Variants in PLXNA2 observed in about 807,000 individuals in gnomAD.
The protein encoded by PLXNA2 is plexin-A2.
PLXNA2 carries 91 observed loss-of-function variants against 193.5 expected under a neutral mutation model. The ratio of observed to expected loss-of-function variants is 0.47; its 90% confidence interval spans 0.40 to 0.56. The LOEUF (loss-of-function observed/expected upper bound fraction) is 0.56, where lower values mean the gene tolerates loss of function less well. PLXNA2 is among the 20% of genes least tolerant of loss of function. The pLI is 0.00. For synonymous variants in PLXNA2, 997 were observed against 1,027.3 expected (o/e 0.97, Z 0.56); for missense variants, 1,995 against 2,503.2 (o/e 0.80, Z 4.33).
At chr1:208,086,686 G>C (rs992856199) in intron 9 of PLXNA2, among the ~76,000 whole-genome samples, 35 of 150,922 alleles carry the variant, frequency 2.3e-4, no homozygotes, top group African/African-American at 8.3e-4. Flanking sequence ...CCCTGTTTAG[G>C]AGCCAGTCAC....
intron 8 of PLXNA2, 40 bp downstream of exon 8, chr1:208,095,989 A>G: frequency 1.3e-6 from 2 of 1,495,660 alleles, no homozygotes; most frequent in Non-Finnish European, 1.9e-6. Context: ...CCATACCCAC[A>G]TCCAGACCCA....
intron 3 of PLXNA2, among the ~76,000 whole-genome samples, chr1:208,162,937 C>A (rs959277878): frequency 6.6e-6 from 1 of 152,110 alleles, no homozygotes; most frequent in Non-Finnish European, 1.5e-5. Flanking sequence ...AGTGCTGTAA[C>A]CAATGATAAG....
chr1:208,131,521 G>A (rs1231659886), intron 4 of PLXNA2, among the ~76,000 whole-genome samples: 1 of 152,306 alleles, frequency 6.6e-6, no homozygotes, highest in African/African-American at 2.4e-5. Context: ...TGAAAAGCAG[G>A]CTGCAGAGCT....
intron 12 of PLXNA2, among the ~76,000 whole-genome samples, chr1:208,073,710 G>T (rs138500195): frequency 7.8e-4 from 119 of 151,970 alleles, no homozygotes; most frequent in African/African-American, 2.8e-3. Context: ...AGAGGTAATC[G>T]TATTAAAATG....
In PLXNA2 at chr1:208,103,261, C is replaced by A. The variant is rs745788787; in HGVS notation, c.1507-14G>T. 4.4e-6 allele frequency: 7 copies of A among 1,601,878 alleles called. No individual in the cohort carries two copies. The highest frequency in any genetic ancestry group is 3.3e-5 in the South Asian group (3 of 90,238). The stretch of plus-strand genomic sequence containing the variant: ...GACCCTGGTGACCTGGCAGAGAGAG[C>A]AAAGAGGGTACAGTGAGGTTAGGCT... On this transcript the variant is annotated splice_polypyrimidine_tract_variant and intron_variant, in intron 4 of 31. Transcript: ENST00000367033.
At chr1:208,134,782 G>A (rs1024419747) in intron 4 of PLXNA2, among the ~76,000 whole-genome samples, 2 of 152,162 alleles carry the variant, frequency 1.3e-5, no homozygotes, top group Non-Finnish European at 2.9e-5. Flanking sequence ...CTAAACAAAT[G>A]TGCACAATCA....
intron 1 of PLXNA2, among the ~76,000 whole-genome samples, chr1:208,240,297 G>A (rs377488678): frequency 6.6e-6 from 1 of 152,210 alleles, no homozygotes; most frequent in African/African-American, 2.4e-5. Flanking sequence ...GCTAAGCCCA[G>A]GAGGACGGGG....
chr1:208,118,204 G>T (rs1426303507), intron 4 of PLXNA2, among the ~76,000 whole-genome samples: 1 of 152,188 alleles, frequency 6.6e-6, no homozygotes, highest in African/African-American at 2.4e-5. Flanking sequence ...CATACAGATG[G>T]ATAACTTACT....
intron 2 of PLXNA2, among the ~76,000 whole-genome samples, chr1:208,214,132 A>G (rs1671050596): frequency 6.6e-6 from 1 of 152,164 alleles, no homozygotes; most frequent in Admixed American, 6.5e-5. Flanking sequence ...GCGTTAAAAA[A>G]AAAAAAACCA....
At chr1:208,170,135 A>C (rs1263097244) in intron 3 of PLXNA2, among the ~76,000 whole-genome samples, 1 of 152,208 alleles carries the variant, frequency 6.6e-6, no homozygotes. Context: ...TGTTCTCAGC[A>C]TCACCAGACT....
At chr1:208,059,923 TG>T (rs1665562900) in intron 13 of PLXNA2, among the ~76,000 whole-genome samples, 1 of 152,176 alleles carries the variant, frequency 6.6e-6, no homozygotes, top group Non-Finnish European at 1.5e-5. Context: ...AGGAAGTCCC[TG>T]CCCCAAAGTC....
chr1:208,203,909 T>C (rs1183668136), intron 3 of PLXNA2, among the ~76,000 whole-genome samples: 2 of 152,250 alleles, frequency 1.3e-5, no homozygotes, highest in African/African-American at 4.8e-5. Context: ...GGAGAGTTAA[T>C]ACTTTGGTGC....
chr1:208,228,270 C>G (rs533312590), intron 1 of PLXNA2, among the ~76,000 whole-genome samples: 1 of 152,246 alleles, frequency 6.6e-6, no homozygotes, highest in Non-Finnish European at 1.5e-5. Context: ...GATGCTTCAT[C>G]TCTATCTCAG....
chr1:208,136,497 C>T (rs746928659), intron 4 of PLXNA2, among the ~76,000 whole-genome samples: 28 of 152,150 alleles, frequency 1.8e-4, no homozygotes, highest in Middle Eastern at 3.2e-3. Flanking sequence ...CTTTCTGGCC[C>T]GGTGTCCATG....
chr1:208,177,069 C>A (rs1669683048), intron 3 of PLXNA2, among the ~76,000 whole-genome samples: 1 of 130,504 alleles, frequency 7.7e-6, no homozygotes, highest in African/African-American at 2.5e-5. Flanking sequence ...GCTTTGCCGA[C>A]TCTCCCAGAC....
rs767473837 is a variant in PLXNA2 at position 208,039,761 on chromosome 1, C to A, written c.4360G>T (p.Ala1454Ser). The change falls in exon 24 of 32, where the codon GCA becomes TCA. Residue 1454 changes from alanine (A) to serine (S), a missense_variant. This residue lies in a region of PLXNA2 where 1,291 missense variants were observed against 1,673.6 expected (regional missense o/e 0.77). Coordinates refer to ENST00000367033, the MANE Select transcript of PLXNA2 (RefSeq NM_025179.4). ...FLLHKFLKEC[A>S]GEPLFMLYCA... ...TATAGCATGAAGAGTGGCTCCCCTG[C>A]GCACTCCTGTGGGCACAGACAGGGC... 29 of 1,613,968 alleles carry A rather than the reference C, an allele frequency of 1.8e-5. No individual in the cohort carries two copies. The highest frequency in any genetic ancestry group is 2.4e-5 in the Non-Finnish European group (28 of 1,180,030).
At chr1:208,146,922 T>G (rs934712787) in intron 3 of PLXNA2, among the ~76,000 whole-genome samples, 1 of 152,152 alleles carries the variant, frequency 6.6e-6, no homozygotes, top group East Asian at 1.9e-4. Context: ...CAGAAGCTAC[T>G]GGGGCTATTT....
At position 208,028,266 on chromosome 1, in the gene PLXNA2, G is replaced by T; in HGVS notation, c.5439-107C>A. 1 of 1,034,168 alleles carries T rather than the reference G, an allele frequency of 9.7e-7. No homozygotes were observed. Among genetic ancestry groups the T allele is most frequent in the Non-Finnish European group, 1.4e-6 (1 of 719,984 alleles). 64.1% of individuals were successfully genotyped at this position (1,034,168 alleles called of 1,614,324 possible). A position where few individuals can be genotyped will look rare whatever the true frequency, so the allele number is the denominator to read the frequency against. ...GGCACTGATGTACCCAGTTGCTCCTGCCTCCCTATTTCTCTTCTGATGTGG... is the reference window on the plus strand; with the variant it reads ...GGCACTGATGTACCCAGTTGCTCCTTCCTCCCTATTTCTCTTCTGATGTGG... On this transcript the variant is annotated intron_variant, in intron 30 of 31. Coordinates refer to ENST00000367033, the MANE Select transcript of PLXNA2 (RefSeq NM_025179.4). The surrounding 1 kb of genome is among the most constrained non-coding windows in gnomAD (Gnocchi z 4.2).
At chr1:208,207,195 G>A (rs943086916) in intron 3 of PLXNA2, among the ~76,000 whole-genome samples, 2 of 152,086 alleles carry the variant, frequency 1.3e-5, no homozygotes, top group South Asian at 2.1e-4. Context: ...TAGTAGAGAC[G>A]GGGTTTCACC....
Sources: gnomAD v4.1 joint callset for allele counts (sites outside exome capture counted in the v4.1 genomes callset) on GRCh38, gnomAD v4.1.1 for gene constraint, gnomAD v4.1.1 regional missense constraint, Gnocchi (gnomAD v3.1) non-coding constraint, MANE v1.5 for transcripts, NCBI Gene and HGNC (gene_info 2026-07-23, HGNC 2026-07-21) for gene names.